Variants in NRG1 observed in about 807,000 individuals in gnomAD.
The protein encoded by NRG1 is pro-neuregulin-1, membrane-bound isoform.
Under a neutral mutation model 63.8 loss-of-function variants are expected in NRG1, and 18 were observed. That is an observed-to-expected ratio of 0.28 (90% confidence interval 0.19 to 0.42). NRG1 has a LOEUF of 0.42. Among genes scored for constraint, NRG1 ranks in the 10% least tolerant of loss-of-function variants. The pLI, the probability that NRG1 is intolerant of heterozygous loss-of-function variation, is 1.00. For synonymous variants in NRG1, 302 were observed against 301.3 expected, an observed-to-expected ratio of 1.00 and a Z score of -0.02; for missense variants, 762 against 814.7, an observed-to-expected ratio of 0.94 and a Z score of 0.79.
intron 1 of NRG1, among the ~76,000 whole-genome samples, chr8:31,917,719 G>T (rs887784983): frequency 6.6e-6 from 1 of 152,142 alleles, no homozygotes; most frequent in Non-Finnish European, 1.5e-5. Context: ...GAACTTTAAA[G>T]TAGTTTTTTC....
At chr8:31,926,236 G>C (rs1449321791) in intron 1 of NRG1, among the ~76,000 whole-genome samples, 1 of 151,970 alleles carries the variant, frequency 6.6e-6, no homozygotes, top group African/African-American at 2.4e-5. Flanking sequence ...ATGAAAGACG[G>C]GGCCTTTTTT....
At chr8:31,808,234 T>C (rs1047245627) in intron 1 of NRG1, among the ~76,000 whole-genome samples, 3 of 152,032 alleles carry the variant, frequency 2.0e-5, no homozygotes, top group African/African-American at 4.8e-5. Context: ...ATGTTAATAA[T>C]GGCATGTTTA....
intron 1 of NRG1, among the ~76,000 whole-genome samples, chr8:32,035,869 A>G (rs923272741): frequency 6.6e-6 from 1 of 152,114 alleles, no homozygotes; most frequent in Non-Finnish European, 1.5e-5. Flanking sequence ...CAGCACACTG[A>G]TGAATCTTGA....
intron 1 of NRG1, among the ~76,000 whole-genome samples, chr8:32,267,078 G>C (rs1177716961): frequency 7.1e-6 from 1 of 141,634 alleles, no homozygotes; most frequent in Non-Finnish European, 1.5e-5. Flanking sequence ...AAAAGAAAGA[G>C]AGAGAGAAAG....
intron 1 of NRG1, among the ~76,000 whole-genome samples, chr8:32,468,594 A>G (rs1490069499): frequency 2.0e-5 from 3 of 152,090 alleles, no homozygotes; most frequent in African/African-American, 7.2e-5. Flanking sequence ...ATAAACTTAT[A>G]TATGTTCTTC....
chr8:32,558,652 G>A (rs1004480686), intron 1 of NRG1, among the ~76,000 whole-genome samples: 1 of 152,162 alleles, frequency 6.6e-6, no homozygotes, highest in South Asian at 2.1e-4. Flanking sequence ...GGCTCTTCTT[G>A]TCATTTTAGA....
intron 1 of NRG1, among the ~76,000 whole-genome samples, chr8:32,415,147 T>C (rs1343124160): frequency 1.3e-5 from 2 of 151,910 alleles, no homozygotes; most frequent in African/African-American, 4.8e-5. Flanking sequence ...AACAGGGATG[T>C]GTATAATCCC....
intron 3 of NRG1, among the ~76,000 whole-genome samples, chr8:32,610,596 T>G (rs1395799700): frequency 6.6e-6 from 1 of 152,266 alleles, no homozygotes; most frequent in Non-Finnish European, 1.5e-5. Flanking sequence ...GTGGCCATAC[T>G]TATACTGTTT....
rs537484725 is a variant in NRG1, at chr8:32,480,249, A to T, written c.38-115579A>T. ...CACCTATATGTGGAATCTAAAAAAA[A>T]GTCAGCCTCATGGAAACAGTAGAAA... is the stretch of plus-strand genomic sequence containing the variant. On this transcript the variant is annotated intron_variant, in intron 1 of 10. Coordinates refer to the NRG1 transcript ENST00000519301. 2.2e-4 allele frequency among the ~76,000 whole-genome samples: 34 copies of T among 152,262 alleles called. 1 individual carries two copies. The South Asian group carries it at 6.8e-3, about 31-fold the overall frequency.
chr8:31,910,553 A>G (rs1832856292), intron 1 of NRG1, among the ~76,000 whole-genome samples: 1 of 152,306 alleles, frequency 6.6e-6, no homozygotes, highest in Non-Finnish European at 1.5e-5. Context: ...CAAATAAAGA[A>G]TTCCACTGTG....
intron 3 of NRG1, 122 bp from the exon 4 acceptor site, chr8:32,614,392 T>G: frequency 1.3e-5 from 11 of 850,584 alleles, no homozygotes; most frequent in Non-Finnish European, 2.1e-5. Flanking sequence ...GCCTGGACTT[T>G]TCTCACTCCC....
At chr8:32,059,311 T>C (rs1225308802) in intron 1 of NRG1, among the ~76,000 whole-genome samples, 1 of 151,966 alleles carries the variant, frequency 6.6e-6, no homozygotes, top group Non-Finnish European at 1.5e-5. Context: ...TCTAGAGTCG[T>C]CTTTCTCCCT....
rs117820886 is a variant in NRG1 at position 31,726,901 on chromosome 8, G to T, written c.37+87470G>T. On this transcript the variant is annotated intron_variant, in intron 1 of 10. Transcript: ENST00000519301. ...AGAGGGTAGTGTCCAGAGAAGGTCT[G>T]GTTATGAGGTGTCAGAAGCCAACAC... Among the ~76,000 whole-genome samples, 15 of 152,244 alleles carry T rather than the reference G, an allele frequency of 9.9e-5. No individual in the cohort carries two copies. The East Asian group carries it at 2.9e-3, about 29-fold the overall frequency.
chr8:32,639,131 C>T lies in NRG1; in HGVS notation c.502+22246C>T, dbSNP rs551001896. Among the ~76,000 whole-genome samples, 5 of 152,232 alleles carry T rather than the reference C, an allele frequency of 3.3e-5. No homozygotes were observed. In the East Asian group the frequency reaches 9.7e-4, roughly 29 times the overall value. On this transcript the variant is annotated intron_variant, in intron 5 of 11. Coordinates refer to ENST00000356819, the Ensembl canonical transcript of NRG1. ...GGTTTAGAAATGTGAACTGGCCAGGCGTGGTGGCTCATGCCTATAATCCTA... is the reference window on the plus strand; with the variant it reads ...GGTTTAGAAATGTGAACTGGCCAGGTGTGGTGGCTCATGCCTATAATCCTA...
rs141835599 is a variant in NRG1, at chr8:31,794,338, C to G, written c.37+154907C>G. On this transcript the variant is annotated intron_variant, in intron 1 of 10. Coordinates refer to the NRG1 transcript ENST00000519301. Reference sequence around the variant, plus strand: ...AAACCAGGGACGGGCTATTTCAATTCAGTTTAATTCAAAAAAATAATTATT... The same window carrying G: ...AAACCAGGGACGGGCTATTTCAATTGAGTTTAATTCAAAAAAATAATTATT... 2.5e-3 allele frequency among the ~76,000 whole-genome samples: 386 copies of G among 151,996 alleles called. 3 individuals are homozygous for G. The highest frequency in any genetic ancestry group is 4.6e-3 in the Admixed American group (70 of 15,248).
intron 1 of NRG1, among the ~76,000 whole-genome samples, chr8:31,961,563 G>C (rs1341161885): frequency 1.3e-5 from 2 of 152,164 alleles, no homozygotes; most frequent in African/African-American, 4.8e-5. Flanking sequence ...ACTATAAGTA[G>C]ACAAAGATGT....
chr8:32,466,784 A>G (rs1045358183), intron 1 of NRG1, among the ~76,000 whole-genome samples: 32 of 152,042 alleles, frequency 2.1e-4, no homozygotes, highest in African/African-American at 6.8e-4. Context: ...TCACTTCTCT[A>G]TATGATTTTC....
chr8:32,028,825 A>G (rs972287554), intron 1 of NRG1, among the ~76,000 whole-genome samples: 1 of 152,208 alleles, frequency 6.6e-6, no homozygotes, highest in African/African-American at 2.4e-5. Context: ...GCAGTATTAA[A>G]TAGATACTCA....
chr8:32,558,622 G>A (rs1471646649), intron 1 of NRG1, among the ~76,000 whole-genome samples: 1 of 152,130 alleles, frequency 6.6e-6, no homozygotes, highest in Non-Finnish European at 1.5e-5. Flanking sequence ...CTATGAAAGA[G>A]GCAACCAAAG....
Sources: allele counts gnomAD v4.1 joint callset (sites outside exome capture counted in the v4.1 genomes callset), GRCh38; gene constraint gnomAD v4.1.1; transcripts MANE v1.5; gene names NCBI Gene and HGNC (gene_info 2026-07-23, HGNC 2026-07-21).